The following ZNF26 variants were observed in gnomAD, a reference collection of about 807,000 sequenced individuals.
ZNF26 encodes the protein zinc finger protein 26.
ZNF26 carries 32 observed loss-of-function variants against 54.9 expected under a neutral mutation model. That is an observed-to-expected ratio of 0.58 (90% CI 0.44 to 0.78). ZNF26 has a LOEUF of 0.78. Ranked by LOEUF, ZNF26 falls within the 30% of genes least tolerant of loss-of-function variation. The pLI, the probability that ZNF26 is intolerant of heterozygous loss-of-function variation, is 0.00. For synonymous variants in ZNF26, 221 were observed against 209.2 expected, an observed-to-expected ratio of 1.06 and a Z score of -0.49; for missense variants, 524 against 634.0, an observed-to-expected ratio of 0.83 and a Z score of 1.86.
intron 1 of ZNF26, among the ~76,000 whole-genome samples, chr12:133,000,076 A>G (rs1953177088): frequency 6.6e-6 from 1 of 152,144 alleles, no homozygotes; most frequent in Non-Finnish European, 1.5e-5. Context: ...TTTTTGCAGC[A>G]TATATGTCCC....
Position 133,020,574 on chromosome 12 carries a change from G to A in ZNF26, c.*9093G>A, listed in dbSNP as rs74512615. On this transcript the variant is annotated 3_prime_UTR_variant, in exon 4 of 4. Transcript: ENST00000328654. The stretch of plus-strand genomic sequence containing the variant: ...AAAATACATGAAGCAAAATCTGACA[G>A]AAATGAAGAGAGACAACTCAACAAT... The A allele has an allele frequency of 0.1, 15,741 of 152,198 alleles. 1,049 individuals carry two copies. Among genetic ancestry groups the A allele is most frequent in the South Asian group, 0.2 (947 of 4,810 alleles). The allele number at this position is 152,198 out of a possible 1,614,324, so 9.4% of individuals were successfully genotyped here. A position where few individuals can be genotyped will look rare whatever the true frequency, so the allele number is the denominator to read the frequency against.
chr12:133,010,154 A>G lies in ZNF26; in HGVS notation c.275A>G (p.Tyr92Cys). ...QSCPDGWEEW[Y>C]QNNQDELESI... ...TTTGTAGATGGCTGGGAAGAATGGTACCAGAACAATCAAGATGAGCTTGAG... is the reference window on the plus strand; with the variant it reads ...TTTGTAGATGGCTGGGAAGAATGGTGCCAGAACAATCAAGATGAGCTTGAG... The change falls in exon 4 of 4, where the codon TAC (tyrosine) becomes TGC (cysteine). Residue 92 changes from tyrosine to cysteine, a missense_variant. Physicochemically the swap from Tyr to Cys is radical, Grantham distance 194 (BLOSUM62 -2). Transcript: ENST00000328654. 6.3e-7 allele frequency: 1 copy of G among 1,596,388 alleles called. No individual in the cohort carries two copies. The highest frequency in any genetic ancestry group is 8.5e-7 in the Non-Finnish European group (1 of 1,175,194).
rs1953688949 is a variant in ZNF26, at chr12:133,025,255, AC to A, written c.*13775del. On this transcript the variant is annotated 3_prime_UTR_variant, in exon 4 of 4. Transcript: ENST00000328654. ...GTTTTTCTGTGTCTGCCCCACTGTT[AC>A]GTTCTGGGTGTGTAAGATGAAAATA... is the stretch of plus-strand genomic sequence containing the variant. 6.6e-6 allele frequency: 1 copy of A among 152,160 alleles called. No individual in the cohort carries two copies. Among genetic ancestry groups the A allele is most frequent in the East Asian group, 1.9e-4 (1 of 5,196 alleles). The allele number at this position is 152,160 out of a possible 1,614,324, so 9.4% of individuals were successfully genotyped here. A position where few individuals can be genotyped will look rare whatever the true frequency, so the allele number is the denominator to read the frequency against.
intron 1 of ZNF26, among the ~76,000 whole-genome samples, chr12:132,995,712 C>T (rs969100839): frequency 1.1e-3 from 174 of 152,124 alleles, no homozygotes; most frequent in African/African-American, 4.0e-3. Flanking sequence ...AGTGCAGTGG[C>T]GCGATCTTGG....
chr12:132,999,337 C>T (rs1290334665), intron 1 of ZNF26, among the ~76,000 whole-genome samples: 1 of 152,192 alleles, frequency 6.6e-6, no homozygotes, highest in Non-Finnish European at 1.5e-5. Context: ...TCACTGCCAA[C>T]CTCCGCCTCC....
intron 1 of ZNF26, among the ~76,000 whole-genome samples, chr12:132,992,314 T>G (rs1233290609): frequency 4.7e-5 from 4 of 84,914 alleles, no homozygotes; most frequent in African/African-American, 1.2e-4. Context: ...GTTTTGATGA[T>G]TTTTTTTTCT....
chr12:133,024,871 CAGAT>C lies in ZNF26; in HGVS notation c.*13393_*13396del, dbSNP rs1220509470. On this transcript the variant is annotated 3_prime_UTR_variant, in exon 4 of 4. Coordinates refer to ENST00000328654, the MANE Select transcript of ZNF26 (RefSeq NM_019591.4). The stretch of plus-strand genomic sequence containing the variant: ...TTTGTCTAATGGAATGGGTTGTACA[CAGAT>C]AGCTAAAAATCCCACACGTTCTTAA... 2 of 152,078 alleles carry C rather than the reference CAGAT, an allele frequency of 1.3e-5. No individual in the cohort carries two copies. 9.4% of individuals were successfully genotyped at this position (152,078 alleles called of 1,614,324 possible). A position where few individuals can be genotyped will look rare whatever the true frequency, so the allele number is the denominator to read the frequency against.
rs1186549669 is a variant in ZNF26 at position 133,020,453 on chromosome 12, T to A, written c.*8972T>A. On this transcript the variant is annotated 3_prime_UTR_variant, in exon 4 of 4. Coordinates refer to ENST00000328654, the MANE Select transcript of ZNF26 (RefSeq NM_019591.4). The stretch of plus-strand genomic sequence containing the variant: ...GGTAATGATGATAATATTTATAATA[T>A]ATTTACATTTTGTTTATATATTTAT... 1 of 151,822 alleles carries A rather than the reference T, an allele frequency of 6.6e-6. No individual in the cohort carries two copies. Among genetic ancestry groups the A allele is most frequent in the Non-Finnish European group, 1.5e-5 (1 of 67,970 alleles). 9.4% of individuals were successfully genotyped at this position (151,822 alleles called of 1,614,324 possible).
chr12:133,008,771 A>T (rs1167470250), intron 3 of ZNF26, among the ~76,000 whole-genome samples: 5 of 128,680 alleles, frequency 3.9e-5, no homozygotes, highest in Admixed American at 3.2e-4. Flanking sequence ...GCGAGACTCC[A>T]TCTCAAAAAA....
chr12:132,995,777 C>T (rs1953068274), intron 1 of ZNF26, among the ~76,000 whole-genome samples: 1 of 152,030 alleles, frequency 6.6e-6, no homozygotes, highest in Non-Finnish European at 1.5e-5. Flanking sequence ...TCAGCCTACC[C>T]AGTAGCTGGG....
In ZNF26 at chr12:133,010,693, C is replaced by T; in HGVS notation, c.814C>T (p.Gln272Ter). The change falls in exon 4 of 4, where the codon CAG becomes TAG. Residue 272 changes from glutamine to a stop codon, truncating the protein, a stop_gained. Transcript: ENST00000328654. LOFTEE classifies it high-confidence loss of function. ...TGGGAAAGCCTACAGTTGGAAATCACAGCTTCTTTTACACCAGAGAAGTCA... is the reference window on the plus strand; with the variant it reads ...TGGGAAAGCCTACAGTTGGAAATCATAGCTTCTTTTACACCAGAGAAGTCA... ...ECGKAYSWKS[Q>*]LLLHQRSHTG... The T allele has an allele frequency of 1.9e-6, 3 of 1,613,878 alleles. No homozygotes were observed. The highest frequency in any genetic ancestry group is 4.5e-5 in the East Asian group (2 of 44,844).
intron 1 of ZNF26, among the ~76,000 whole-genome samples, chr12:133,000,137 A>G (rs2137234409): frequency 6.6e-6 from 1 of 152,272 alleles, no homozygotes; most frequent in African/African-American, 2.4e-5. Flanking sequence ...TAAATCTCTT[A>G]AGAGTTTTGG....
rs11147204 is a variant in ZNF26 at position 133,007,308 on chromosome 12, T to C, written c.161-129T>C. The stretch of plus-strand genomic sequence containing the variant: ...TTAGGGGTCAAATTTCCTTAGTCCC[T>C]GTTTGTCCCACACTTCCTAATTGTA... On this transcript the variant is annotated intron_variant, in intron 2 of 3. Coordinates refer to ENST00000328654, the MANE Select transcript of ZNF26 (RefSeq NM_019591.4). 4.1e-3 allele frequency: 5,360 copies of C among 1,316,174 alleles called. 38 individuals are homozygous for C. Among genetic ancestry groups the C allele is most frequent in the Non-Finnish European group, 3.7e-3 (3,465 of 938,876 alleles). 81.5% of individuals were successfully genotyped at this position (1,316,174 alleles called of 1,614,324 possible). A position where few individuals can be genotyped will look rare whatever the true frequency, so the allele number is the denominator to read the frequency against.
chr12:132,995,422 T>G (rs916308654), intron 1 of ZNF26: 1 of 151,898 alleles, frequency 6.6e-6, no homozygotes, highest in African/African-American at 2.4e-5. Flanking sequence ...CCAGTTCTCC[T>G]TTTATTCACT....
At position 133,010,435 on chromosome 12, in the gene ZNF26, A is replaced by G; in HGVS notation, c.556A>G (p.Lys186Glu). 6.2e-7 allele frequency: 1 copy of G among 1,614,242 alleles called. No individual in the cohort carries two copies. The highest frequency in any genetic ancestry group is 8.5e-7 in the Non-Finnish European group (1 of 1,180,046). Residue 186 changes from lysine to glutamate, a missense_variant, in exon 4 of 4, where the codon AAG becomes GAG. Coordinates refer to ENST00000328654, the MANE Select transcript of ZNF26 (RefSeq NM_019591.4). ...CSECGKAFRC[K>E]SQLIVHLRIH... ...TGAATGTGGGAAAGCTTTTCGTTGT[A>G]AGTCACAGCTCATTGTACATCTCAG...
At chr12:133,000,640 G>A (rs1046507034) in intron 1 of ZNF26, among the ~76,000 whole-genome samples, 254 of 152,122 alleles carry the variant, frequency 1.7e-3, no homozygotes, top group African/African-American at 5.8e-3. Context: ...TAGCCAGGAT[G>A]GTCTCGATCT....
intron 1 of ZNF26, 114 bp downstream of exon 1, chr12:132,986,987 A>T: frequency 7.6e-6 from 9 of 1,186,172 alleles, no homozygotes; most frequent in East Asian, 2.7e-5. Context: ...TTGTGTGCGT[A>T]GTTTACTAGA....
rs1953599995 is a variant in ZNF26, at chr12:133,018,718, T to G, written c.*7237T>G. ...GTGCAGTTGCATGATCATAGCTCAC[T>G]GCAGCCTTGAACTCTTGGCTTCAAG... On this transcript the variant is annotated 3_prime_UTR_variant, in exon 4 of 4. Coordinates refer to ENST00000328654, the MANE Select transcript of ZNF26 (RefSeq NM_019591.4). The G allele has an allele frequency of 6.6e-6, 1 of 152,190 alleles. No individual in the cohort carries two copies. Among genetic ancestry groups the G allele is most frequent in the Non-Finnish European group, 1.5e-5 (1 of 68,040 alleles). 9.4% of individuals were successfully genotyped at this position (152,190 alleles called of 1,614,324 possible). A position where few individuals can be genotyped will look rare whatever the true frequency, so the allele number is the denominator to read the frequency against.
At chr12:133,006,032 T>C (rs1397486833) in intron 1 of ZNF26, 2 of 940,356 alleles carry the variant, frequency 2.1e-6, no homozygotes, top group African/African-American at 3.6e-5. Context: ...GTTCCATCTA[T>C]TTTTTTTTCT....
Sources: gnomAD v4.1 joint callset for allele counts (sites outside exome capture counted in the v4.1 genomes callset) on GRCh38, gnomAD v4.1.1 for gene constraint, MANE v1.5 for transcripts, NCBI Gene and HGNC (gene_info 2026-07-23, HGNC 2026-07-21) for gene names.